ENAH: variants seen among roughly 807,000 people sequenced by gnomAD.
The protein encoded by ENAH is protein enabled homolog.
In ENAH, 23 loss-of-function variants were observed where a neutral mutation model predicts 78.7. The ratio of observed to expected loss-of-function variants is 0.29; its 90% CI spans 0.21 to 0.41. The LOEUF (loss-of-function observed/expected upper bound fraction) is 0.41, where lower values mean the gene tolerates loss of function less well. Among genes scored for constraint, ENAH ranks in the 10% least tolerant of loss-of-function variants. The probability of loss-of-function intolerance (pLI) is 1.00; values close to 1 mark genes in which losing one functional copy is unlikely to be tolerated. For missense variants in ENAH, 544 were observed against 691.0 expected, an observed-to-expected ratio of 0.79 and a Z score of 2.39; for synonymous variants, 226 against 241.0, an observed-to-expected ratio of 0.94 and a Z score of 0.58.
At chr1:225,526,326 TTC>T (rs377166342) in intron 4 of ENAH, among the ~76,000 whole-genome samples, 1 of 151,796 alleles carries the variant, frequency 6.6e-6, no homozygotes, top group Non-Finnish European at 1.5e-5. Context: ...ATTTCTTTCT[TTC>T]TCTCTCTCTC....
chr1:225,580,177 C>T (rs1366187113), intron 1 of ENAH: 1 of 151,704 alleles, frequency 6.6e-6, no homozygotes, highest in Non-Finnish European at 1.5e-5. Context: ...CTCTACTGAA[C>T]AGAATATGGG....
At chr1:225,623,210 A>G (rs751872659) in intron 1 of ENAH, among the ~76,000 whole-genome samples, 1 of 152,198 alleles carries the variant, frequency 6.6e-6, no homozygotes, top group Non-Finnish European at 1.5e-5. Flanking sequence ...AATTTTGTCT[A>G]TAATTAGCAA....
At chr1:225,517,706 G>T in intron 5 of ENAH, 1 of 1,551,212 alleles carries the variant, frequency 6.4e-7, no homozygotes, top group Non-Finnish European at 8.7e-7. Flanking sequence ...GGAGAAGAAG[G>T]TCGAGAGTTT....
chr1:225,563,080 A>G lies in ENAH; in HGVS notation c.171+4169T>C, dbSNP rs191956498. 8.9e-4 allele frequency among the ~76,000 whole-genome samples: 135 copies of G among 152,254 alleles called. 1 individual carries two copies. Among genetic ancestry groups the G allele is most frequent in the African/African-American group, 3.2e-3 (134 of 41,568 alleles). On this transcript the variant is annotated intron_variant, in intron 2 of 13. Coordinates refer to ENST00000366843, the MANE Select transcript of ENAH (RefSeq NM_018212.6). ...TAAGTATCATTATATTAATAAAATT[A>G]TATTTTCTAATCGTTTATTGCTTAT...
chr1:225,569,242 G>A (rs908975969), intron 1 of ENAH, among the ~76,000 whole-genome samples: 1 of 152,284 alleles, frequency 6.6e-6, no homozygotes, highest in African/African-American at 2.4e-5. Flanking sequence ...AATAATACAG[G>A]ATAGTAGTTT....
chr1:225,637,719 ATT>A (rs1367554845), intron 1 of ENAH, among the ~76,000 whole-genome samples: 2 of 151,658 alleles, frequency 1.3e-5, no homozygotes, highest in Non-Finnish European at 2.9e-5. Context: ...TTAACTGGCT[ATT>A]TGCTTTCAGA....
chr1:225,562,987 C>A (rs889698254), intron 2 of ENAH, among the ~76,000 whole-genome samples: 1 of 151,364 alleles, frequency 6.6e-6, no homozygotes, highest in African/African-American at 2.4e-5. Context: ...AAAAAAAACC[C>A]GAAATGCAAG....
chr1:225,564,546 T>C (rs2096725453), intron 2 of ENAH, among the ~76,000 whole-genome samples: 1 of 151,580 alleles, frequency 6.6e-6, no homozygotes, highest in Admixed American at 6.6e-5. Flanking sequence ...CCACCCACCT[T>C]GGCCTCCCAA....
intron 1 of ENAH, among the ~76,000 whole-genome samples, chr1:225,595,819 G>A (rs1045415779): frequency 4.6e-5 from 7 of 152,156 alleles, no homozygotes; most frequent in African/African-American, 1.4e-4. Flanking sequence ...TGCTAAAGGA[G>A]TAACTTAGCA....
intron 1 of ENAH, among the ~76,000 whole-genome samples, chr1:225,572,321 G>A (rs1418699421): frequency 4.6e-5 from 7 of 152,112 alleles, no homozygotes; most frequent in Admixed American, 3.3e-4. Flanking sequence ...AAGCAGACTA[G>A]ATAAATCAAT....
chr1:225,645,777 T>A lies in ENAH; in HGVS notation c.5+6909A>T, dbSNP rs150171611. ...CAACAGCTCTATAATTCACAAAGTATATTCGATCCCAAAAAATGTTTATAA... is the reference window on the plus strand; with the variant it reads ...CAACAGCTCTATAATTCACAAAGTAAATTCGATCCCAAAAAATGTTTATAA... On this transcript the variant is annotated intron_variant, in intron 1 of 13. Transcript: ENST00000366843. Among the ~76,000 whole-genome samples the A allele has an allele frequency of 2.2e-3, 330 of 152,326 alleles. 1 individual carries two copies. The highest frequency in any genetic ancestry group is 7.5e-3 in the African/African-American group (313 of 41,574).
chr1:225,610,377 T>A (rs1193942625), intron 1 of ENAH, among the ~76,000 whole-genome samples: 2 of 152,184 alleles, frequency 1.3e-5, no homozygotes, highest in East Asian at 3.8e-4. Flanking sequence ...TTGCTTTCTG[T>A]TCCAGTTAGT....
At chr1:225,614,242 A>G (rs1428995946) in intron 1 of ENAH, among the ~76,000 whole-genome samples, 2 of 152,194 alleles carry the variant, frequency 1.3e-5, no homozygotes, top group East Asian at 3.9e-4. Context: ...TATTTTTAGT[A>G]GAGACGGGGT....
chr1:225,541,309 C>CCTG (rs780490817), intron 3 of ENAH, among the ~76,000 whole-genome samples: 128 of 152,228 alleles, frequency 8.4e-4, no homozygotes, highest in Non-Finnish European at 1.6e-3. Flanking sequence ...GTGGCATGTG[C>CCTG]CTGTAATCCC....
At position 225,487,471 on chromosome 1, in the gene ENAH, G is replaced by C. The variant is rs926404055; in HGVS notation, c.*10304C>G. ...AGCAAGCAGGAGCTTATAGTATGTTGATTTAAAACAAGTTGTTACCAGTTT... is the reference window on the plus strand; with the variant it reads ...AGCAAGCAGGAGCTTATAGTATGTTCATTTAAAACAAGTTGTTACCAGTTT... On this transcript the variant is annotated 3_prime_UTR_variant, in exon 14 of 14. Coordinates refer to ENST00000366843, the MANE Select transcript of ENAH (RefSeq NM_018212.6). 3.3e-5 allele frequency: 5 copies of C among 152,172 alleles called. No homozygotes were observed. The highest frequency in any genetic ancestry group is 7.3e-5 in the Non-Finnish European group (5 of 68,042). 9.4% of individuals were successfully genotyped at this position (152,172 alleles called of 1,614,324 possible).
intron 10 of ENAH, among the ~76,000 whole-genome samples, chr1:225,509,022 T>TA (rs2151093665): frequency 6.6e-6 from 1 of 152,340 alleles, no homozygotes; most frequent in South Asian, 2.1e-4. Flanking sequence ...TGTGAAACCT[T>TA]AAAGTCATTA....
intron 4 of ENAH, among the ~76,000 whole-genome samples, chr1:225,525,421 C>A (rs2096496030): frequency 6.6e-6 from 1 of 152,160 alleles, no homozygotes. Context: ...CCTGTCCCTA[C>A]TTCACCCCAA....
At position 225,561,361 on chromosome 1, in the gene ENAH, C is replaced by T. The variant is rs1427162542; in HGVS notation, c.171+5888G>A. ...TTTTCAGGCTGGGTGCAGTGGCTTACGCCTGTAATCCCAGCACTTTGGGAG... is the reference window on the plus strand; with the variant it reads ...TTTTCAGGCTGGGTGCAGTGGCTTATGCCTGTAATCCCAGCACTTTGGGAG... On this transcript the variant is annotated intron_variant, in intron 2 of 13. Transcript: ENST00000366843. Among the ~76,000 whole-genome samples, 4 of 150,096 alleles carry T rather than the reference C, an allele frequency of 2.7e-5. No individual in the cohort carries two copies. In the South Asian group the frequency reaches 6.4e-4, roughly 24 times the overall value.
At chr1:225,503,211 C>CA (rs2096294744) in intron 11 of ENAH, among the ~76,000 whole-genome samples, 4 of 152,002 alleles carry the variant, frequency 2.6e-5, no homozygotes, top group Non-Finnish European at 5.9e-5. Context: ...TAACTTTTAC[C>CA]AAAAAAGTTT....
Sources: gnomAD v4.1 joint callset for allele counts (sites outside exome capture counted in the v4.1 genomes callset) on GRCh38, gnomAD v4.1.1 for gene constraint, MANE v1.5 for transcripts, NCBI Gene and HGNC (gene_info 2026-07-23, HGNC 2026-07-21) for gene names.